LONRF1: variants seen among roughly 807,000 people sequenced by gnomAD.
LONRF1 encodes LON peptidase N-terminal domain and RING finger protein 1.
A neutral mutation model predicts 85.8 loss-of-function variants in LONRF1; 37 were observed. The observed-to-expected ratio is 0.43, with a 90% CI of 0.33 to 0.57. The LOEUF (loss-of-function observed/expected upper bound fraction) is 0.57. LONRF1 is among the 20% of genes least tolerant of loss of function. The probability of loss-of-function intolerance (pLI) is 0.04; values close to 1 mark genes in which losing one functional copy is unlikely to be tolerated. For synonymous variants in LONRF1, 517 were observed against 390.1 expected (o/e 1.33, Z -3.83); for missense variants, 1,036 against 978.0 (o/e 1.06, Z -0.79).
intron 1 of LONRF1, among the ~76,000 whole-genome samples, chr8:12,743,659 T>G (rs1005792912): frequency 6.6e-6 from 1 of 152,194 alleles, no homozygotes; most frequent in African/African-American, 2.4e-5. Context: ...CTTATATTTT[T>G]ACCCTACTTT....
At chr8:12,731,926 A>G (rs368310105) in intron 7 of LONRF1, 69 bp from the exon 8 acceptor site, 2 of 1,416,704 alleles carry the variant, frequency 1.4e-6, no homozygotes, top group East Asian at 2.3e-5. Context: ...AACACAGTTA[A>G]CTGATATATT....
chr8:12,735,240 C>T (rs1265983714), intron 7 of LONRF1, 46 bp downstream of exon 7: 1 of 1,268,576 alleles, frequency 7.9e-7, no homozygotes, highest in Non-Finnish European at 1.1e-6. Context: ...TTAAACCATG[C>T]TGCCAAACTT....
intron 1 of LONRF1, among the ~76,000 whole-genome samples, chr8:12,749,679 GTTT>G (rs1324618606): frequency 6.6e-6 from 1 of 151,994 alleles, no homozygotes; most frequent in Admixed American, 6.6e-5. Flanking sequence ...ACTTGAATCA[GTTT>G]TTTTATCATT....
At chr8:12,751,727 ACTGTT>A (rs1799414507) in intron 1 of LONRF1, among the ~76,000 whole-genome samples, 1 of 151,162 alleles carries the variant, frequency 6.6e-6, no homozygotes, top group African/African-American at 2.4e-5. Context: ...TGTAAATTAT[ACTGTT>A]CTGTTGTCTT....
At chr8:12,727,769 T>C (rs1025609966) in intron 10 of LONRF1, among the ~76,000 whole-genome samples, 1 of 152,142 alleles carries the variant, frequency 6.6e-6, no homozygotes, top group Non-Finnish European at 1.5e-5. Flanking sequence ...ATCAATCAAC[T>C]CAAAATTTCA....
At chr8:12,738,185 T>C in intron 3 of LONRF1, 41 bp from the exon 4 acceptor site, 4 of 1,313,052 alleles carry the variant, frequency 3.0e-6, no homozygotes, top group Non-Finnish European at 4.1e-6. Flanking sequence ...ATATAAAATA[T>C]TTGGTTAAGG....
At position 12,723,234 on chromosome 8, in the gene LONRF1, T is replaced by C. The variant is rs1805989887; in HGVS notation, c.2184A>G (p.Ala728=). Residue 728 remains alanine, a synonymous_variant, in exon 12 of 12, where the codon GCA becomes GCG. Coordinates refer to ENST00000398246, the MANE Select transcript of LONRF1 (RefSeq NM_152271.5). The stretch of plus-strand genomic sequence containing the variant: ...GAACTGCAAGAAGCCACCAACACCA[T>C]GCAGGTCCATTAGGGGCTGCCTAAA... ...ENLQAAPNGP[A]WCWWLLAVLP... 1 of 1,612,554 alleles carries C rather than the reference T, an allele frequency of 6.2e-7. No individual in the cohort carries two copies. The highest frequency in any genetic ancestry group is 1.7e-5 in the Admixed American group (1 of 59,588).
intron 1 of LONRF1, 41 bp downstream of exon 1, chr8:12,754,659 G>T (rs1279834294): frequency 7.7e-7 from 1 of 1,297,582 alleles, no homozygotes; most frequent in South Asian, 2.4e-5. Flanking sequence ...GGGCCAGGAG[G>T]GTGCGGTCGG....
chr8:12,751,294 A>ATTTTTTTT (rs1554469328), intron 1 of LONRF1, among the ~76,000 whole-genome samples: 10 of 84,796 alleles, frequency 1.2e-4, no homozygotes, highest in African/African-American at 3.7e-4. Flanking sequence ...TTTTATTTTT[A>ATTTTTTTT]TGTTTTTTTT....
intron 3 of LONRF1, 75 bp from the exon 4 acceptor site, chr8:12,738,219 A>C (rs1798796655): frequency 1.0e-6 from 1 of 992,496 alleles, no homozygotes; most frequent in Non-Finnish European, 1.4e-6. Flanking sequence ...AATTTACCTA[A>C]TAAAGAATAT....
chr8:12,742,746 A>AT (rs33942494), intron 2 of LONRF1, among the ~76,000 whole-genome samples: 126,276 of 151,800 alleles, frequency 0.83, 53,158 homozygotes, highest in East Asian at 0.94. Flanking sequence ...TTGAACCTAG[A>AT]TTTTTTTTGA....
chr8:12,731,542 A>G (rs139641634), intron 8 of LONRF1, among the ~76,000 whole-genome samples, 194 bp downstream of exon 8: 6 of 152,226 alleles, frequency 3.9e-5, no homozygotes, highest in Admixed American at 2.6e-4. Context: ...AGCTGAGTCA[A>G]TAACTCCCTA....
In LONRF1 at chr8:12,754,906, G is replaced by A. The variant is rs1336321306; in HGVS notation, c.515C>T (p.Ala172Val). Residue 172 changes from alanine to valine, a missense_variant, in exon 1 of 12, where the codon GCT becomes GTT. By Grantham distance (64) the Ala-to-Val change is moderately conservative. Around this residue, in one of 3 missense-constraint regions of LONRF1, gnomAD observed 742 missense variants for 614.4 expected, o/e 1.21. Transcript: ENST00000398246. ...LPPATASATD[A>V]EGTAPRPPPL... Reference sequence around the variant, plus strand: ...CGGCGGCCGCGGGGCGGTCCCTTCAGCATCAGTGGCACTGGCGGTGGCGGG... The same window carrying A: ...CGGCGGCCGCGGGGCGGTCCCTTCAACATCAGTGGCACTGGCGGTGGCGGG... 2.7e-6 allele frequency: 4 copies of A among 1,492,530 alleles called. No homozygotes were observed. The highest frequency in any genetic ancestry group is 1.5e-5 in the African/African-American group (1 of 68,546). 92.5% of individuals were successfully genotyped at this position (1,492,530 alleles called of 1,614,324 possible). A position where few individuals can be genotyped will look rare whatever the true frequency, so the allele number is the denominator to read the frequency against.
intron 8 of LONRF1, among the ~76,000 whole-genome samples, chr8:12,731,529 C>A (rs971547595): frequency 1.3e-5 from 2 of 152,150 alleles, no homozygotes; most frequent in South Asian, 4.2e-4. Context: ...CTTCAGCCCA[C>A]AGAGCTGAGT....
intron 1 of LONRF1, among the ~76,000 whole-genome samples, chr8:12,747,303 T>G (rs1399028590): frequency 2.6e-5 from 4 of 152,204 alleles, no homozygotes; most frequent in African/African-American, 4.8e-5. Flanking sequence ...TTTTCTATCT[T>G]TGTTCCAATC....
intron 1 of LONRF1, among the ~76,000 whole-genome samples, chr8:12,746,583 T>G (rs1040663408): frequency 2.6e-5 from 4 of 152,212 alleles, no homozygotes; most frequent in African/African-American, 7.2e-5. Context: ...TTGGGGTAAA[T>G]TACAAGTAAT....
chr8:12,735,027 CCA>C (rs1798665739), intron 7 of LONRF1, among the ~76,000 whole-genome samples: 1 of 152,040 alleles, frequency 6.6e-6, no homozygotes, highest in Non-Finnish European at 1.5e-5. Flanking sequence ...AGATAACTAA[CCA>C]TACCCACTTT....
At chr8:12,731,146 T>C (rs1798514095) in intron 8 of LONRF1, among the ~76,000 whole-genome samples, 1 of 152,022 alleles carries the variant, frequency 6.6e-6, no homozygotes, top group Admixed American at 6.6e-5. Context: ...CCCAGCTCCA[T>C]CAGCTGCTGT....
chr8:12,731,674 G>A, intron 8 of LONRF1, 62 bp downstream of exon 8: 2 of 1,422,626 alleles, frequency 1.4e-6, no homozygotes, highest in South Asian at 1.3e-5. Context: ...AGCTTGCGGT[G>A]AGGTTTTTCC....
Sources: allele counts gnomAD v4.1 joint callset (sites outside exome capture counted in the v4.1 genomes callset), GRCh38; gene constraint gnomAD v4.1.1; regional missense constraint gnomAD v4.1.1; transcripts MANE v1.5; gene names NCBI Gene and HGNC (gene_info 2026-07-23, HGNC 2026-07-21).